Variants in SH3GL2 observed in about 807,000 individuals in gnomAD.
The protein encoded by SH3GL2 is endophilin-A1.
Under a neutral mutation model 46.0 loss-of-function variants are expected in SH3GL2, and 24 were observed. The observed-to-expected ratio is 0.52, with a 90% CI of 0.38 to 0.73. The LOEUF is 0.73. SH3GL2 is among the 30% of genes least tolerant of loss of function. The pLI is 0.00. For missense variants in SH3GL2, 413 were observed against 424.2 expected (o/e 0.97, Z 0.23); for synonymous variants, 196 against 147.1 (o/e 1.33, Z -2.40).
At chr9:17,704,100 A>G (rs1309707273) in intron 1 of SH3GL2, among the ~76,000 whole-genome samples, 1 of 150,978 alleles carries the variant, frequency 6.6e-6, no homozygotes, top group East Asian at 1.9e-4. Flanking sequence ...AAATTTCAGG[A>G]TACAAAATTA....
chr9:17,693,120 A>G (rs1247998586), intron 1 of SH3GL2, among the ~76,000 whole-genome samples: 1 of 152,170 alleles, frequency 6.6e-6, no homozygotes. Flanking sequence ...TGTATTGTCC[A>G]TTGAAAATAA....
chr9:17,730,200 G>A (rs957150370), intron 1 of SH3GL2, among the ~76,000 whole-genome samples: 5 of 152,038 alleles, frequency 3.3e-5, no homozygotes, highest in Non-Finnish European at 7.4e-5. Flanking sequence ...TGGATTCCTA[G>A]GCTTTTTATT....
intron 1 of SH3GL2, among the ~76,000 whole-genome samples, chr9:17,663,511 T>C (rs1820272113): frequency 6.6e-6 from 1 of 152,210 alleles, no homozygotes; most frequent in Non-Finnish European, 1.5e-5. Flanking sequence ...ATTTTGTGAA[T>C]CAAAGAACTG....
chr9:17,731,419 GGAA>G (rs745667181), intron 1 of SH3GL2, among the ~76,000 whole-genome samples: 2 of 150,766 alleles, frequency 1.3e-5, no homozygotes, highest in African/African-American at 2.4e-5. Flanking sequence ...GGGGAGGTAG[GGAA>G]GAGAGAGAGA....
intron 1 of SH3GL2, among the ~76,000 whole-genome samples, chr9:17,698,681 A>G (rs932091373): frequency 6.6e-6 from 1 of 152,210 alleles, no homozygotes; most frequent in Non-Finnish European, 1.5e-5. Flanking sequence ...CATTTAATAA[A>G]TTCTCTGACT....
intron 1 of SH3GL2, among the ~76,000 whole-genome samples, chr9:17,745,353 T>C (rs1328770363): frequency 1.3e-5 from 2 of 152,230 alleles, no homozygotes; most frequent in East Asian, 3.8e-4. Context: ...TAAACAGATA[T>C]ACACTTTATT....
intron 1 of SH3GL2, among the ~76,000 whole-genome samples, chr9:17,600,414 G>C (rs987308035): frequency 5.9e-5 from 9 of 152,174 alleles, no homozygotes; most frequent in Admixed American, 4.6e-4. Flanking sequence ...CTCCACACAA[G>C]CCTTTCTCAG....
chr9:17,690,087 G>C (rs980754009), intron 1 of SH3GL2, among the ~76,000 whole-genome samples: 6 of 152,066 alleles, frequency 3.9e-5, no homozygotes, highest in East Asian at 1.9e-4. Flanking sequence ...TCTGCTGTGT[G>C]TTATCTTTTT....
chr9:17,751,792 A>G (rs1421281570), intron 2 of SH3GL2, among the ~76,000 whole-genome samples: 4 of 152,144 alleles, frequency 2.6e-5, no homozygotes, highest in Non-Finnish European at 5.9e-5. Flanking sequence ...GAGTGCACCC[A>G]TAATGTCTCC....
intron 3 of SH3GL2, among the ~76,000 whole-genome samples, chr9:17,776,748 C>G (rs1205465034): frequency 6.6e-6 from 1 of 150,888 alleles, no homozygotes; most frequent in East Asian, 1.9e-4. Context: ...ATAAAACTTG[C>G]CACAAGCTGG....
intron 3 of SH3GL2, among the ~76,000 whole-genome samples, chr9:17,769,044 C>G (rs1823398364): frequency 6.6e-6 from 1 of 151,714 alleles, no homozygotes; most frequent in Non-Finnish European, 1.5e-5. Context: ...GCTTCAATCA[C>G]TTCCTCTCCA....
intron 1 of SH3GL2, among the ~76,000 whole-genome samples, chr9:17,608,544 A>T (rs554205699): frequency 3.4e-4 from 52 of 152,166 alleles, no homozygotes; most frequent in Non-Finnish European, 5.7e-4. Context: ...TTGTTGACTC[A>T]TACTTCTCCA....
At chr9:17,771,870 G>A (rs1436605013) in intron 3 of SH3GL2, among the ~76,000 whole-genome samples, 3 of 151,262 alleles carry the variant, frequency 2.0e-5, no homozygotes, top group African/African-American at 7.3e-5. Context: ...GCACGATCCA[G>A]TGCTAGGGTT....
intron 1 of SH3GL2, among the ~76,000 whole-genome samples, chr9:17,675,336 G>A (rs1243341949): frequency 6.6e-6 from 1 of 152,126 alleles, no homozygotes; most frequent in Non-Finnish European, 1.5e-5. Context: ...AAGTATACAG[G>A]GAAGTGAAAG....
chr9:17,649,474 T>C (rs115394917), intron 1 of SH3GL2, among the ~76,000 whole-genome samples: 2,094 of 152,350 alleles, frequency 0.014, 51 homozygotes, highest in African/African-American at 0.048. Flanking sequence ...CTGTTTTCAG[T>C]ATAATTTAAG....
chr9:17,642,414 C>A (rs1435472735), intron 1 of SH3GL2, among the ~76,000 whole-genome samples: 1 of 152,134 alleles, frequency 6.6e-6, no homozygotes, highest in Non-Finnish European at 1.5e-5. Flanking sequence ...GTGTTTTAGT[C>A]ATGAAGGCTG....
At chr9:17,714,919 A>T (rs1273713734) in intron 1 of SH3GL2, among the ~76,000 whole-genome samples, 5 of 151,790 alleles carry the variant, frequency 3.3e-5, no homozygotes, top group Non-Finnish European at 7.4e-5. Context: ...TTGTTGAGTG[A>T]TGAATTATTC....
intron 1 of SH3GL2, among the ~76,000 whole-genome samples, chr9:17,682,688 A>C (rs1820803567): frequency 6.6e-6 from 1 of 151,792 alleles, no homozygotes; most frequent in African/African-American, 2.4e-5. Context: ...AAAATTAAAA[A>C]AAAAAAAAAG....
At chr9:17,767,643 A>T (rs1823352118) in intron 3 of SH3GL2, among the ~76,000 whole-genome samples, 1 of 152,184 alleles carries the variant, frequency 6.6e-6, no homozygotes, top group Admixed American at 6.5e-5. Context: ...ATGTCTGGTG[A>T]ATAGGTGTAT....
Sources: gnomAD v4.1 joint callset for allele counts (sites outside exome capture counted in the v4.1 genomes callset) on GRCh38, gnomAD v4.1.1 for gene constraint, MANE v1.5 for transcripts, NCBI Gene and HGNC (gene_info 2026-07-23, HGNC 2026-07-21) for gene names.